STAT4: variants seen among roughly 807,000 people sequenced by gnomAD.
STAT4 encodes the protein signal transducer and activator of transcription 4.
In STAT4, 42 loss-of-function variants were observed where a neutral mutation model predicts 110.5. That is an observed-to-expected ratio of 0.38 (90% confidence interval 0.30 to 0.49). The LOEUF is 0.49. STAT4 is among the 20% of genes least tolerant of loss of function. The pLI, the probability that STAT4 is intolerant of heterozygous loss-of-function variation, is 0.95. For synonymous variants in STAT4, 284 were observed against 302.2 expected (o/e 0.94, Z 0.63); for missense variants, 632 against 887.9 (o/e 0.71, Z 3.66).
At position 191,033,940 on chromosome 2, in the gene STAT4, C is replaced by T; in HGVS notation, c.1686G>A (p.Lys562=). ...CAATCCAAAGGGGAAGAATGTGTTT[C>T]TTAATTAGATCCAATATTGCTTCAA... ...TWLEAILDLI[K]KHILPLWIDG... is the part of the protein sequence containing the mutation. The change falls in exon 19 of 24, where the codon AAG becomes AAA. Residue 562 remains lysine, a synonymous_variant. Transcript: ENST00000392320. The surrounding 1 kb of genome is among the most constrained non-coding windows in gnomAD (Gnocchi z 6.9). 2 of 1,612,016 alleles carry T rather than the reference C, an allele frequency of 1.2e-6. No homozygotes were observed. The highest frequency in any genetic ancestry group is 1.7e-6 in the Non-Finnish European group (2 of 1,179,342).
chr2:191,079,591 T>C (rs1200815510), intron 3 of STAT4, among the ~76,000 whole-genome samples: 1 of 152,086 alleles, frequency 6.6e-6, no homozygotes, highest in Non-Finnish European at 1.5e-5. Context: ...GTATATTCTT[T>C]GGAATTTTCT....
Position 191,143,950 on chromosome 2 carries a change from T to C in STAT4, c.273+2663A>G, listed in dbSNP as rs1039109498. On this transcript the variant is annotated intron_variant, in intron 3 of 23. Transcript: ENST00000392320. This position sits in a 1 kb window ranked among gnomAD's most constrained non-coding sequence, Gnocchi z 5.6. The stretch of plus-strand genomic sequence containing the variant: ...GTTTGTTTAGGTGTAAAACCATAGC[T>C]GACAATGATTTTTACTACTAGCTTC... 1.3e-5 allele frequency among the ~76,000 whole-genome samples: 2 copies of C among 152,168 alleles called. No homozygotes were observed. The highest frequency in any genetic ancestry group is 4.8e-5 in the African/African-American group (2 of 41,444).
chr2:191,127,394 T>C (rs551702944), intron 3 of STAT4, among the ~76,000 whole-genome samples: 2 of 152,360 alleles, frequency 1.3e-5, no homozygotes, highest in Admixed American at 1.3e-4. Flanking sequence ...CTTCTACTCC[T>C]CTTCAGAGAG....
intron 3 of STAT4, among the ~76,000 whole-genome samples, chr2:191,095,959 T>C (rs1361742783): frequency 6.6e-6 from 1 of 152,028 alleles, no homozygotes; most frequent in Non-Finnish European, 1.5e-5. Context: ...ACCACAGAAA[T>C]ACAAACTACC....
chr2:191,139,933 A>G (rs1699277671), intron 3 of STAT4, among the ~76,000 whole-genome samples: 1 of 152,178 alleles, frequency 6.6e-6, no homozygotes, highest in Non-Finnish European at 1.5e-5. Context: ...AGAATAGAGA[A>G]CCCAGAAACA....
rs998045855 is a variant in STAT4 at position 191,046,806 on chromosome 2, C to T, written c.1252-5658G>A. Reference sequence around the variant, plus strand: ...TGGTCTTTGATCCTGGTTCCTGACACGGGTTCCTAAGACCTTTGTAATTTC... The same window carrying T: ...TGGTCTTTGATCCTGGTTCCTGACATGGGTTCCTAAGACCTTTGTAATTTC... On this transcript the variant is annotated intron_variant, in intron 14 of 23. Coordinates refer to ENST00000392320, the MANE Select transcript of STAT4 (RefSeq NM_003151.4). The surrounding 1 kb of genome is among the most constrained non-coding windows in gnomAD (Gnocchi z 4.6). Among the ~76,000 whole-genome samples the T allele has an allele frequency of 1.3e-4, 20 of 152,094 alleles. No individual in the cohort carries two copies. The highest frequency in any genetic ancestry group is 3.3e-4 in the Admixed American group (5 of 15,276).
At chr2:191,048,831 ATG>A (rs1696434156) in intron 14 of STAT4, among the ~76,000 whole-genome samples, 1 of 141,418 alleles carries the variant, frequency 7.1e-6, no homozygotes, top group Non-Finnish European at 1.5e-5. Flanking sequence ...TGCACCATTA[ATG>A]TTTGTATCAA....
rs965682699 is a variant in STAT4 at position 191,116,936 on chromosome 2, T to G, written c.273+29677A>C. Among the ~76,000 whole-genome samples the G allele has an allele frequency of 6.6e-6, 1 of 152,188 alleles. No individual in the cohort carries two copies. Among genetic ancestry groups the G allele is most frequent in the Non-Finnish European group, 1.5e-5 (1 of 68,036 alleles). On this transcript the variant is annotated intron_variant, in intron 3 of 23. Transcript: ENST00000392320. The surrounding 1 kb of genome is among the most constrained non-coding windows in gnomAD (Gnocchi z 4.1). The stretch of plus-strand genomic sequence containing the variant: ...AAAGCAACTCAAATATCCCTCCCGT[T>G]GGAGTGGCAAAGAATAATGAAATAT...
At chr2:191,145,598 G>C (rs932511054) in intron 3 of STAT4, among the ~76,000 whole-genome samples, 6 of 152,038 alleles carry the variant, frequency 3.9e-5, no homozygotes, top group Admixed American at 1.3e-4. Context: ...GATTTACAGG[G>C]GATTACAAGG....
Position 191,083,786 on chromosome 2 carries a change from G to C in STAT4, c.274-7461C>G, listed in dbSNP as rs891337695. Among the ~76,000 whole-genome samples the C allele has an allele frequency of 6.6e-6, 1 of 151,996 alleles. No homozygotes were observed. The highest frequency in any genetic ancestry group is 1.5e-5 in the Non-Finnish European group (1 of 68,022). ...ATGTCAAACACACTGGCCTGTGTGG[G>C]TATCAAACTGACTTACTCATAAATT... On this transcript the variant is annotated intron_variant, in intron 3 of 23. Coordinates refer to ENST00000392320, the MANE Select transcript of STAT4 (RefSeq NM_003151.4). The surrounding 1 kb of genome is among the most constrained non-coding windows in gnomAD (Gnocchi z 4.6).
chr2:191,065,698 T>C (rs901375769), intron 7 of STAT4, among the ~76,000 whole-genome samples: 1 of 152,174 alleles, frequency 6.6e-6, no homozygotes, highest in African/African-American at 2.4e-5. Flanking sequence ...AAATCTGATA[T>C]ATAACTAAGT....
At chr2:191,076,036 TGGAGACAG>T in intron 4 of STAT4, 183 bp downstream of exon 4, 1 of 515,148 alleles carries the variant, frequency 1.9e-6, no homozygotes, top group Non-Finnish European at 3.5e-6. Flanking sequence ...TTTTTTTTTT[TGGAGACAG>T]GGTCTTGCTG....
At chr2:191,040,549 T>A (rs1314820584) in intron 15 of STAT4, among the ~76,000 whole-genome samples, 2 of 152,044 alleles carry the variant, frequency 1.3e-5, no homozygotes, top group Non-Finnish European at 2.9e-5. Context: ...AGCTTTTTAT[T>A]TTCTTTTATT....
intron 3 of STAT4, among the ~76,000 whole-genome samples, chr2:191,081,119 G>T (rs1697462107): frequency 2.0e-5 from 3 of 152,118 alleles, no homozygotes; most frequent in African/African-American, 7.2e-5. Context: ...GTGTTAGTTT[G>T]CTGAGAACGA....
chr2:191,094,917 C>CAAAAAAAAAAAAAAAAAA (rs1165913847), intron 3 of STAT4, among the ~76,000 whole-genome samples: 2 of 77,920 alleles, frequency 2.6e-5, no homozygotes, highest in Non-Finnish European at 4.6e-5. Context: ...AAATGGAAAG[C>CAAAAAAAAAAAAAAAAAA]AAAAAAAAAA....
At chr2:191,081,344 T>G (rs912640415) in intron 3 of STAT4, among the ~76,000 whole-genome samples, 1 of 152,238 alleles carries the variant, frequency 6.6e-6, no homozygotes, top group South Asian at 2.1e-4. Context: ...TATAATCCTT[T>G]GGGTATATAC....
At chr2:191,075,837 C>CTTTTTTTTT (rs71407854) in intron 4 of STAT4, among the ~76,000 whole-genome samples, 47 of 121,482 alleles carry the variant, frequency 3.9e-4, no homozygotes, top group African/African-American at 1.0e-3. Context: ...TTCTTTCTTT[C>CTTTTTTTTT]TTTTTTTTTT....
Position 191,104,607 on chromosome 2 carries a change from A to G in STAT4, c.274-28282T>C, listed in dbSNP as rs1458375241. Among the ~76,000 whole-genome samples, 1 of 152,224 alleles carries G rather than the reference A, an allele frequency of 6.6e-6. No individual in the cohort carries two copies. Among genetic ancestry groups the G allele is most frequent in the Non-Finnish European group, 1.5e-5 (1 of 68,030 alleles). ...ACTTTTGATTTTGCTAAATAAGTAT[A>G]TATTAAACAAAGGTCCATAACCACC... On this transcript the variant is annotated intron_variant, in intron 3 of 23. Transcript: ENST00000392320. The surrounding 1 kb of genome is among the most constrained non-coding windows in gnomAD (Gnocchi z 4.3).
At chr2:191,119,901 G>A (rs1381603965) in intron 3 of STAT4, among the ~76,000 whole-genome samples, 2 of 152,186 alleles carry the variant, frequency 1.3e-5, no homozygotes, top group Admixed American at 6.5e-5. Context: ...AGTGCAATGA[G>A]GAAGGGATGA....
Sources: allele counts gnomAD v4.1 joint callset (sites outside exome capture counted in the v4.1 genomes callset), GRCh38; gene constraint gnomAD v4.1.1; non-coding constraint Gnocchi (gnomAD v3.1); transcripts MANE v1.5; gene names NCBI Gene and HGNC (gene_info 2026-07-23, HGNC 2026-07-21).